The following ITPR2 variants were observed in gnomAD, a reference collection of about 807,000 sequenced individuals.
The protein encoded by ITPR2 is inositol 1,4,5-trisphosphate-gated calcium channel ITPR2.
Under a neutral mutation model 317.1 loss-of-function variants are expected in ITPR2, and 207 were observed. That is an observed-to-expected ratio of 0.65 (90% CI 0.58 to 0.73). The LOEUF (loss-of-function observed/expected upper bound fraction) is 0.73. Among genes scored for constraint, ITPR2 ranks in the 30% least tolerant of loss-of-function variants. The pLI is 0.00. For synonymous variants in ITPR2, 1,156 were observed against 1,149.1 expected (o/e 1.01, Z -0.12); for missense variants, 2,613 against 3,284.0 (o/e 0.80, Z 4.99).
intron 1 of ITPR2, among the ~76,000 whole-genome samples, chr12:26,796,602 C>CAT (rs1423065306): frequency 6.6e-6 from 1 of 152,194 alleles, no homozygotes; most frequent in African/African-American, 2.4e-5. Context: ...TTTCTAGACA[C>CAT]ATATATGCTC....
chr12:26,788,442 G>C (rs1403186407), intron 2 of ITPR2, among the ~76,000 whole-genome samples: 2 of 152,084 alleles, frequency 1.3e-5, no homozygotes, highest in African/African-American at 4.8e-5. Flanking sequence ...GCTTTTTCCT[G>C]CTACAAATAC....
intron 51 of ITPR2, 79 bp from the exon 52 acceptor site, chr12:26,411,491 T>C (rs1940549760): frequency 5.1e-6 from 5 of 984,472 alleles, no homozygotes; most frequent in South Asian, 1.5e-5. Flanking sequence ...TCTAAAGATA[T>C]GTAAATTAAA....
At chr12:26,507,483 C>T (rs951419657) in intron 37 of ITPR2, among the ~76,000 whole-genome samples, 2 of 152,180 alleles carry the variant, frequency 1.3e-5, no homozygotes, top group Non-Finnish European at 2.9e-5. Context: ...GCATTTAGAA[C>T]TGTAACTATA....
At chr12:26,556,496 A>G (rs976232641) in intron 35 of ITPR2, 121 bp from the exon 36 acceptor site, 1 of 897,738 alleles carries the variant, frequency 1.1e-6, no homozygotes, top group African/African-American at 1.7e-5. Context: ...TTTCCATAGC[A>G]GCAAATGTCT....
At chr12:26,764,297 T>C (rs1949683053) in intron 2 of ITPR2, among the ~76,000 whole-genome samples, 1 of 152,012 alleles carries the variant, frequency 6.6e-6, no homozygotes, top group African/African-American at 2.4e-5. Context: ...AGTGTGGCAA[T>C]GACTTTTTAG....
chr12:26,807,787 C>A (rs1204977563), intron 1 of ITPR2, among the ~76,000 whole-genome samples: 1 of 152,008 alleles, frequency 6.6e-6, no homozygotes, highest in Non-Finnish European at 1.5e-5. Context: ...TAATATCAAC[C>A]CCAAATTAAA....
At chr12:26,379,098 C>T (rs968224502) in intron 55 of ITPR2, among the ~76,000 whole-genome samples, 2 of 152,210 alleles carry the variant, frequency 1.3e-5, no homozygotes. Flanking sequence ...TTATTGACCA[C>T]TTGCATGCAC....
chr12:26,593,156 G>A (rs7300093), intron 32 of ITPR2, among the ~76,000 whole-genome samples: 109,894 of 152,048 alleles, frequency 0.72, 41,233 homozygotes, highest in Non-Finnish European at 0.83. Flanking sequence ...ACCATGCTCT[G>A]TCTACTACAG....
At chr12:26,467,852 G>T (rs1942204719) in intron 45 of ITPR2, among the ~76,000 whole-genome samples, 1 of 152,112 alleles carries the variant, frequency 6.6e-6, no homozygotes, top group East Asian at 1.9e-4. Flanking sequence ...TAGTTGCTCA[G>T]TGAAAGACAC....
chr12:26,540,557 G>A (rs1475946607), intron 37 of ITPR2, among the ~76,000 whole-genome samples: 2 of 152,048 alleles, frequency 1.3e-5, no homozygotes, highest in East Asian at 3.8e-4. Context: ...ATGAATGGTG[G>A]TTACCTTCTG....
At chr12:26,519,107 G>C (rs1591850975) in intron 37 of ITPR2, among the ~76,000 whole-genome samples, 1 of 152,148 alleles carries the variant, frequency 6.6e-6, no homozygotes, top group Non-Finnish European at 1.5e-5. Context: ...TTCTCCCAAA[G>C]AGAAGATCAA....
chr12:26,783,520 C>A (rs768911177), intron 2 of ITPR2, among the ~76,000 whole-genome samples: 2 of 152,170 alleles, frequency 1.3e-5, no homozygotes. Context: ...ATAGAAATGG[C>A]ACATATATCA....
chr12:26,680,857 G>C (rs965131018), intron 13 of ITPR2, among the ~76,000 whole-genome samples: 2 of 152,274 alleles, frequency 1.3e-5, no homozygotes, highest in Non-Finnish European at 2.9e-5. Flanking sequence ...ATGTGGAGGA[G>C]AGTCTTTTGG....
intron 37 of ITPR2, among the ~76,000 whole-genome samples, chr12:26,512,277 T>C (rs1354667881): frequency 4.6e-5 from 7 of 151,758 alleles, no homozygotes; most frequent in African/African-American, 7.3e-5. Flanking sequence ...CTAAAACAAG[T>C]CTGTTGAATT....
intron 26 of ITPR2, among the ~76,000 whole-genome samples, chr12:26,611,919 C>T (rs972108039): frequency 2.0e-5 from 3 of 152,128 alleles, no homozygotes; most frequent in African/African-American, 7.2e-5. Context: ...TATATTTTAG[C>T]CTTTAAGCTT....
At chr12:26,588,233 A>T (rs143377291) in intron 32 of ITPR2, among the ~76,000 whole-genome samples, 4 of 152,144 alleles carry the variant, frequency 2.6e-5, no homozygotes, top group Non-Finnish European at 5.9e-5. Flanking sequence ...GCAAACAGTG[A>T]CTATAGACAG....
chr12:26,671,541 T>C (rs1947771860), intron 13 of ITPR2, among the ~76,000 whole-genome samples: 1 of 152,054 alleles, frequency 6.6e-6, no homozygotes, highest in Admixed American at 6.6e-5. Flanking sequence ...AAAGAGGTCC[T>C]GAAGGAAGCA....
At chr12:26,665,227 C>A (rs1947598529) in intron 14 of ITPR2, among the ~76,000 whole-genome samples, 1 of 152,144 alleles carries the variant, frequency 6.6e-6, no homozygotes, top group South Asian at 2.1e-4. Context: ...CCTACTTTCC[C>A]AGGGAAGAGA....
rs1946080948 is a variant in ITPR2, at chr12:26,604,635, G to A, written c.3463-1929C>T. 1.3e-5 allele frequency among the ~76,000 whole-genome samples: 2 copies of A among 152,126 alleles called. 1 individual carries two copies. The highest frequency in any genetic ancestry group is 2.9e-5 in the Non-Finnish European group (2 of 68,020). On this transcript the variant is annotated intron_variant, in intron 26 of 56. Coordinates refer to ENST00000381340, the MANE Select transcript of ITPR2 (RefSeq NM_002223.4). ...AAAGTAAAAGATCAAAACACTGAAA[G>A]CCTTCAAAACATTACTAAGTTAGAC...
Sources: gnomAD v4.1 joint callset for allele counts (sites outside exome capture counted in the v4.1 genomes callset) on GRCh38, gnomAD v4.1.1 for gene constraint, MANE v1.5 for transcripts, NCBI Gene and HGNC (gene_info 2026-07-23, HGNC 2026-07-21) for gene names.